Variants in PDE9A observed in about 807,000 individuals in gnomAD.
The protein encoded by PDE9A is high affinity cGMP-specific 3',5'-cyclic phosphodiesterase 9A.
A neutral mutation model predicts 87.4 loss-of-function variants in PDE9A; 60 were observed. That is an observed-to-expected ratio of 0.69 (90% CI 0.56 to 0.85). The LOEUF is 0.85. Among genes scored for constraint, PDE9A ranks in the 40% least tolerant of loss-of-function variants. PDE9A has a pLI of 0.00. For missense variants in PDE9A, 665 were observed against 779.0 expected, an observed-to-expected ratio of 0.85 and a Z score of 1.74; for synonymous variants, 272 against 279.4, an observed-to-expected ratio of 0.97 and a Z score of 0.27.
At chr21:42,715,131 G>A (rs1046099268) in intron 4 of PDE9A, among the ~76,000 whole-genome samples, 1 of 145,038 alleles carries the variant, frequency 6.9e-6, no homozygotes, top group Non-Finnish European at 1.5e-5. Context: ...CTCTTTAGCT[G>A]TCTCTTTTTG....
chr21:42,755,493 G>C (rs566653164), intron 10 of PDE9A, among the ~76,000 whole-genome samples: 1 of 152,318 alleles, frequency 6.6e-6, no homozygotes, highest in South Asian at 2.1e-4. Flanking sequence ...GTGGCAACTT[G>C]CTCCCCAGCT....
chr21:42,751,943 G>T (rs1038814499), intron 9 of PDE9A, among the ~76,000 whole-genome samples: 10 of 151,702 alleles, frequency 6.6e-5, no homozygotes, highest in Non-Finnish European at 1.0e-4. Context: ...TAGAGACAGG[G>T]TTTCACCATG....
chr21:42,694,508 G>T lies in PDE9A; in HGVS notation c.219-4460G>T, dbSNP rs1007938695. 6.6e-6 allele frequency among the ~76,000 whole-genome samples: 1 copy of T among 152,182 alleles called. No homozygotes were observed. The highest frequency in any genetic ancestry group is 2.4e-5 in the African/African-American group (1 of 41,428). ...AGACCACCTCCATCCTGATCAGAAG[G>T]GGTGATGCCGGTTGCACGGTCTCTT... On this transcript the variant is annotated intron_variant, in intron 3 of 19. Transcript: ENST00000291539. The surrounding 1 kb of genome is among the most constrained non-coding windows in gnomAD (Gnocchi z 5.3).
rs1289799243 is a variant in PDE9A at position 42,760,573 on chromosome 21, C to T, written c.1002+141C>T. ...CCGCTCCGCCCCTCCTAGGGACGCA[C>T]CCCTGCCCACCGTTGTCAGTCACCC... is the stretch of plus-strand genomic sequence containing the variant. On this transcript the variant is annotated intron_variant, in intron 12 of 19. Transcript: ENST00000291539. This position sits in a 1 kb window ranked among gnomAD's most constrained non-coding sequence, Gnocchi z 5.2. 7.8e-6 allele frequency: 5 copies of T among 639,300 alleles called. No individual in the cohort carries two copies. The highest frequency in any genetic ancestry group is 5.5e-5 in the African/African-American group (3 of 54,916). 39.6% of individuals were successfully genotyped at this position (639,300 alleles called of 1,614,324 possible).
At chr21:42,676,959 A>G (rs2058874707) in intron 1 of PDE9A, among the ~76,000 whole-genome samples, 1 of 152,228 alleles carries the variant, frequency 6.6e-6, no homozygotes, top group African/African-American at 2.4e-5. Context: ...CAGGGCGGGC[A>G]CCAGCAGTGA....
intron 4 of PDE9A, among the ~76,000 whole-genome samples, chr21:42,712,087 T>C (rs576031212): frequency 6.7e-6 from 1 of 149,318 alleles, no homozygotes; most frequent in Non-Finnish European, 1.5e-5. Context: ...AAGCCATCTA[T>C]GACTTTGATT....
intron 1 of PDE9A, among the ~76,000 whole-genome samples, chr21:42,666,099 C>T (rs182378077): frequency 6.6e-6 from 1 of 152,204 alleles, no homozygotes. Flanking sequence ...GAAAGCAGCC[C>T]TGGGGTGGGG....
At chr21:42,701,967 T>C (rs1418799897) in intron 4 of PDE9A, among the ~76,000 whole-genome samples, 1 of 152,214 alleles carries the variant, frequency 6.6e-6, no homozygotes, top group African/African-American at 2.4e-5. Context: ...GGCCTTGGTG[T>C]GGTTTTCTTT....
intron 18 of PDE9A, 69 bp downstream of exon 18, chr21:42,770,867 T>C: frequency 8.1e-7 from 1 of 1,229,638 alleles, no homozygotes; most frequent in Non-Finnish European, 1.2e-6. Context: ...CACTCCCGAC[T>C]CCAGAAGCTT....
chr21:42,672,675 A>G (rs925299802), intron 1 of PDE9A, among the ~76,000 whole-genome samples: 2 of 152,266 alleles, frequency 1.3e-5, no homozygotes, highest in Non-Finnish European at 2.9e-5. Flanking sequence ...CCTAAACCAC[A>G]GTGAGGTCAA....
At position 42,702,510 on chromosome 21, in the gene PDE9A, G is replaced by A. The variant is rs961400346; in HGVS notation, c.262+3499G>A. 1.3e-4 allele frequency among the ~76,000 whole-genome samples: 19 copies of A among 152,000 alleles called. No homozygotes were observed. Among genetic ancestry groups the A allele is most frequent in the Admixed American group, 3.9e-4 (6 of 15,246 alleles). On this transcript the variant is annotated intron_variant, in intron 4 of 19. Transcript: ENST00000291539. This position sits in a 1 kb window ranked among gnomAD's most constrained non-coding sequence, Gnocchi z 4.9. ...TATGGGTCATATTTTTCTGATTCTC[G>A]TGAATCTAGTAGATCTTGATGGAAT...
rs909109813 is a variant in PDE9A, at chr21:42,675,809, C to A, written c.70-10383C>A. On this transcript the variant is annotated intron_variant, in intron 1 of 19. Transcript: ENST00000291539. The surrounding 1 kb of genome is among the most constrained non-coding windows in gnomAD (Gnocchi z 4.3). ...TATTGACAGCGAGACAAGCCCCCAT[C>A]TGATCCAGATTCTCCAGTTGTACTT... Among the ~76,000 whole-genome samples the A allele has an allele frequency of 6.6e-6, 1 of 152,238 alleles. No individual in the cohort carries two copies. Among genetic ancestry groups the A allele is most frequent in the African/African-American group, 2.4e-5 (1 of 41,456 alleles).
chr21:42,712,636 G>A (rs1555917777), intron 4 of PDE9A, among the ~76,000 whole-genome samples: 1 of 152,196 alleles, frequency 6.6e-6, no homozygotes, highest in Non-Finnish European at 1.5e-5. Flanking sequence ...TACATACGAT[G>A]TTAGCCACAG....
chr21:42,733,584 C>A, intron 7 of PDE9A, 158 bp downstream of exon 7: 2 of 614,824 alleles, frequency 3.3e-6, no homozygotes, highest in East Asian at 2.8e-5. Flanking sequence ...TTAACAAAGG[C>A]TAGCACAGTG....
chr21:42,762,172 T>A lies in PDE9A; in HGVS notation c.1175T>A (p.Ile392Asn), dbSNP rs145560514. 97 of 1,614,022 alleles carry A rather than the reference T, an allele frequency of 6.0e-5. 1 individual carries two copies. Among genetic ancestry groups the A allele is most frequent in the Non-Finnish European group, 8.1e-5 (96 of 1,180,014 alleles). ...CACCACTGCGCCGTGGCCTTCCAGA[T>A]CCTCGCCGAGCCTGAGTGCAACATC... ...ENHHCAVAFQ[I>N]LAEPECNIFS... The change falls in exon 14 of 20, where the codon ATC becomes AAC. Residue 392 changes from isoleucine to asparagine, a missense_variant. Physicochemically the swap from Ile to Asn is moderately radical, Grantham distance 149. Transcript: ENST00000291539.
At chr21:42,663,312 G>A (rs912045654) in intron 1 of PDE9A, among the ~76,000 whole-genome samples, 10 of 143,560 alleles carry the variant, frequency 7.0e-5, no homozygotes, top group Admixed American at 2.7e-4. Context: ...CATACACACC[G>A]CGCACACATC....
chr21:42,726,624 A>ATATATATATTTTT, intron 4 of PDE9A, among the ~76,000 whole-genome samples: 3 of 19,778 alleles, frequency 1.5e-4, no homozygotes, highest in Non-Finnish European at 2.2e-4. Context: ...ATATATATAT[A>ATATATATATTTTT]TTTTTTTTTT....
At chr21:42,657,087 A>G (rs1809655469) in intron 1 of PDE9A, among the ~76,000 whole-genome samples, 1 of 152,216 alleles carries the variant, frequency 6.6e-6, no homozygotes, top group Admixed American at 6.5e-5. Context: ...GGCCTGATGA[A>G]CAGGTTTTTT....
Position 42,739,662 on chromosome 21 carries a change from C to T in PDE9A, c.569-4114C>T. Among the ~76,000 whole-genome samples the T allele has an allele frequency of 6.6e-6, 1 of 152,016 alleles. No homozygotes were observed. The highest frequency in any genetic ancestry group is 1.5e-5 in the Non-Finnish European group (1 of 68,020). On this transcript the variant is annotated intron_variant, in intron 7 of 19. Transcript: ENST00000291539. This position sits in a 1 kb window ranked among gnomAD's most constrained non-coding sequence, Gnocchi z 4.1. ...AAACTAGTGAAGCTGTGCTGTGTCA[C>T]CCAGGAGGCTTAATTTTAACATCAC...
Sources: gnomAD v4.1 joint callset for allele counts (sites outside exome capture counted in the v4.1 genomes callset) on GRCh38, gnomAD v4.1.1 for gene constraint, Gnocchi (gnomAD v3.1) non-coding constraint, MANE v1.5 for transcripts, NCBI Gene and HGNC (gene_info 2026-07-23, HGNC 2026-07-21) for gene names.